DPP6: variants seen among roughly 807,000 people sequenced by gnomAD.
The protein encoded by DPP6 is A-type potassium channel modulatory protein DPP6.
Under a neutral mutation model 122.6 loss-of-function variants are expected in DPP6, and 69 were observed. The observed-to-expected ratio is 0.56, with a 90% CI of 0.46 to 0.69. DPP6 has a LOEUF of 0.69. DPP6 is among the 30% of genes least tolerant of loss of function. The pLI, the probability that DPP6 is intolerant of heterozygous loss-of-function variation, is 0.00. For synonymous variants in DPP6, 418 were observed against 433.1 expected (o/e 0.97, Z 0.43); for missense variants, 928 against 1,116.9 (o/e 0.83, Z 2.41).
chr7:153,765,825 T>C, the DPP6 span, among the ~76,000 whole-genome samples: 2 of 152,200 alleles, frequency 1.3e-5, no homozygotes, highest in Non-Finnish European at 2.9e-5. Flanking sequence ...CTCATGCTTA[T>C]GGAAAGAGGG....
chr7:153,943,853 CTGAG>C (rs34209360), intron 1 of DPP6, among the ~76,000 whole-genome samples: 37,185 of 151,992 alleles, frequency 0.24, 4,700 homozygotes, highest in Non-Finnish European at 0.28. Context: ...TGCCCCGAGT[CTGAG>C]TGATGCTCTG....
chr7:154,531,149 A>T (rs1426023610), intron 3 of DPP6, among the ~76,000 whole-genome samples: 1 of 152,214 alleles, frequency 6.6e-6, no homozygotes, highest in African/African-American at 2.4e-5. Context: ...CTATGTAACA[A>T]ACCTGCACAT....
intron 1 of DPP6, among the ~76,000 whole-genome samples, chr7:154,281,121 TC>T (rs1317420413): frequency 6.6e-6 from 1 of 151,954 alleles, no homozygotes; most frequent in Non-Finnish European, 1.5e-5. Flanking sequence ...CAAGCAATTC[TC>T]CTGCCTCAGC....
chr7:154,826,772 T>C (rs759832655), intron 16 of DPP6, among the ~76,000 whole-genome samples: 38 of 152,304 alleles, frequency 2.5e-4, no homozygotes, highest in Middle Eastern at 3.4e-3. Context: ...GGAGATAAAG[T>C]AGGATCATCC....
chr7:154,714,303 A>C (rs1841357784), intron 7 of DPP6, among the ~76,000 whole-genome samples: 1 of 152,190 alleles, frequency 6.6e-6, no homozygotes, highest in Non-Finnish European at 1.5e-5. Flanking sequence ...CCTGTTACCC[A>C]GTTCCAAAGT....
chr7:154,479,081 T>G (rs894874319), intron 3 of DPP6, among the ~76,000 whole-genome samples: 1 of 152,248 alleles, frequency 6.6e-6, no homozygotes, highest in African/African-American at 2.4e-5. Context: ...ATGTGTTAGG[T>G]TGGAATTGAA....
intron 1 of DPP6, among the ~76,000 whole-genome samples, chr7:154,029,718 C>T (rs967026205): frequency 2.0e-5 from 3 of 148,896 alleles, no homozygotes; most frequent in African/African-American, 5.0e-5. Flanking sequence ...TGGTGGCGGG[C>T]GCCTGTAGTC....
intron 1 of DPP6, among the ~76,000 whole-genome samples, chr7:154,217,637 A>C (rs1800076889): frequency 6.6e-6 from 1 of 152,240 alleles, no homozygotes; most frequent in Admixed American, 6.5e-5. Flanking sequence ...GCCAGCTTTC[A>C]CTCATCCAGG....
chr7:154,465,846 C>T (rs1037934395), intron 2 of DPP6, among the ~76,000 whole-genome samples: 6 of 152,190 alleles, frequency 3.9e-5, no homozygotes, highest in Admixed American at 3.3e-4. Flanking sequence ...ACCCAGCCAT[C>T]CCATTACTGG....
the DPP6 span, among the ~76,000 whole-genome samples, chr7:153,868,901 C>T: frequency 1.3e-3 from 192 of 152,180 alleles, 3 homozygotes; most frequent in African/African-American, 4.1e-3. Flanking sequence ...GCTTTCATTT[C>T]GTTATGTACC....
At chr7:154,686,415 A>ATTT (rs55835037) in intron 7 of DPP6, among the ~76,000 whole-genome samples, 39,761 of 147,826 alleles carry the variant, frequency 0.27, 5,524 homozygotes, top group Middle Eastern at 0.34. Flanking sequence ...CACCATAAGG[A>ATTT]TTTTTTTTTT....
chr7:154,807,117 G>T lies in DPP6; in HGVS notation c.1666+5G>T. 6.2e-7 allele frequency: 1 copy of T among 1,611,882 alleles called. No individual in the cohort carries two copies. On this transcript the variant is annotated splice_donor_5th_base_variant and intron_variant, in intron 16 of 25. Coordinates refer to ENST00000377770, the MANE Select transcript of DPP6 (RefSeq NM_130797.4). ...TCTTCCTGCTCAAGTGCGAAGGTCAGCTCCTGCCACCCCGTCAGGGCAAAG... is the reference window on the plus strand; with the variant it reads ...TCTTCCTGCTCAAGTGCGAAGGTCATCTCCTGCCACCCCGTCAGGGCAAAG...
At chr7:154,831,835 C>T (rs1258555665) in intron 16 of DPP6, among the ~76,000 whole-genome samples, 1 of 152,182 alleles carries the variant, frequency 6.6e-6, no homozygotes, top group Non-Finnish European at 1.5e-5. Context: ...TCAGAAAGTT[C>T]CTCTCTTGTC....
At chr7:154,685,059 G>C (rs897055193) in intron 7 of DPP6, among the ~76,000 whole-genome samples, 1 of 152,158 alleles carries the variant, frequency 6.6e-6, no homozygotes, top group African/African-American at 2.4e-5. Context: ...AACTATAATA[G>C]AACATCTCAT....
chr7:154,705,233 A>G (rs1840762419), intron 7 of DPP6, among the ~76,000 whole-genome samples: 1 of 152,214 alleles, frequency 6.6e-6, no homozygotes, highest in South Asian at 2.1e-4. Context: ...GTTAAACTAG[A>G]CTAAACAAAA....
chr7:154,162,582 G>A (rs10264414), intron 1 of DPP6, among the ~76,000 whole-genome samples: 7,889 of 152,186 alleles, frequency 0.052, 708 homozygotes, highest in African/African-American at 0.18. Flanking sequence ...AGTCAAACTC[G>A]ACACCTGGAA....
At chr7:154,181,000 C>G (rs996247333) in intron 1 of DPP6, among the ~76,000 whole-genome samples, 8 of 152,116 alleles carry the variant, frequency 5.3e-5, no homozygotes, top group Non-Finnish European at 1.2e-4. Context: ...CAGTTCAATC[C>G]CCTGGCTTGG....
intron 1 of DPP6, among the ~76,000 whole-genome samples, chr7:154,399,761 T>C (rs972626036): frequency 5.3e-5 from 8 of 152,136 alleles, no homozygotes; most frequent in Admixed American, 5.2e-4. Context: ...GACCCATCAG[T>C]TGGTGCCTTC....
At position 154,169,331 on chromosome 7, in the gene DPP6, C is replaced by T. The variant is rs568003746; in HGVS notation, c.243+116268C>T. Among the ~76,000 whole-genome samples the T allele has an allele frequency of 6.1e-5, 9 of 148,604 alleles. No homozygotes were observed. In the East Asian group the frequency reaches 1.4e-3, roughly 24 times the overall value. ...TTACTGGGTGCCATATGGTGGTGGG[C>T]GGGGTGGGGTCCATCACCAAAATGG... On this transcript the variant is annotated intron_variant, in intron 1 of 25. Coordinates refer to ENST00000377770, the MANE Select transcript of DPP6 (RefSeq NM_130797.4).
Sources: gnomAD v4.1 joint callset for allele counts (sites outside exome capture counted in the v4.1 genomes callset) on GRCh38, gnomAD v4.1.1 for gene constraint, MANE v1.5 for transcripts, NCBI Gene and HGNC (gene_info 2026-07-23, HGNC 2026-07-21) for gene names.